MAP4K3: variants seen among roughly 807,000 people sequenced by gnomAD.
MAP4K3 encodes the protein MAPK/ERK kinase kinase kinase 3.
A neutral mutation model predicts 143.5 loss-of-function variants in MAP4K3; 94 were observed. That is an observed-to-expected ratio of 0.65 (90% CI 0.55 to 0.78). The LOEUF is 0.78. MAP4K3 is among the 30% of genes least tolerant of loss of function. MAP4K3 has a pLI of 0.00. For missense variants in MAP4K3, 1,077 were observed against 1,068.1 expected, an observed-to-expected ratio of 1.01 and a Z score of -0.12; for synonymous variants, 416 against 347.2, an observed-to-expected ratio of 1.20 and a Z score of -2.20.
At chr2:39,380,890 G>C (rs1428678346) in intron 1 of MAP4K3, among the ~76,000 whole-genome samples, 1 of 152,056 alleles carries the variant, frequency 6.6e-6, no homozygotes, top group African/African-American at 2.4e-5. Flanking sequence ...AGTATATTCA[G>C]AGTTATGTAA....
chr2:39,416,639 C>G (rs1392141641), intron 1 of MAP4K3, among the ~76,000 whole-genome samples: 1 of 152,210 alleles, frequency 6.6e-6, no homozygotes, highest in East Asian at 1.9e-4. Flanking sequence ...TCCATTTCTG[C>G]AAGTTTGACT....
At chr2:39,367,548 AAAAAAGAAAAGGAAAAGG>A (rs1475665832) in intron 2 of MAP4K3, among the ~76,000 whole-genome samples, 2 of 152,046 alleles carry the variant, frequency 1.3e-5, no homozygotes, top group African/African-American at 2.4e-5. Flanking sequence ...TAAAAAAACA[AAAAAAGAAAAGGAAAAGG>A]AAAAAGAAAA....
chr2:39,390,271 T>A (rs1378166490), intron 1 of MAP4K3, among the ~76,000 whole-genome samples: 1 of 152,198 alleles, frequency 6.6e-6, no homozygotes, highest in Non-Finnish European at 1.5e-5. Context: ...ACGATAATCC[T>A]GGCCAAAATG....
At chr2:39,259,323 C>T (rs775114550) in intron 29 of MAP4K3, among the ~76,000 whole-genome samples, 3 of 152,038 alleles carry the variant, frequency 2.0e-5, no homozygotes, top group Non-Finnish European at 2.9e-5. Flanking sequence ...TGAACAGCTC[C>T]GGGGGTGGGG....
intron 24 of MAP4K3, among the ~76,000 whole-genome samples, chr2:39,277,363 T>A (rs558726634): frequency 4.1e-4 from 62 of 152,350 alleles, no homozygotes; most frequent in Non-Finnish European, 6.9e-4. Context: ...CTCAAATGCC[T>A]CTACTCATCT....
At chr2:39,261,046 T>C (rs1680548130) in intron 28 of MAP4K3, 1 of 283,952 alleles carries the variant, frequency 3.5e-6, no homozygotes, top group Non-Finnish European at 6.6e-6. Context: ...CTTTTCAGAG[T>C]TGGAACCTGG....
chr2:39,390,321 CA>C (rs1358204515), intron 1 of MAP4K3, among the ~76,000 whole-genome samples: 1 of 151,442 alleles, frequency 6.6e-6, no homozygotes, highest in African/African-American at 2.4e-5. Flanking sequence ...ATACACCTAC[CA>C]AAAAATGAAA....
At chr2:39,344,864 T>C (rs966985122) in intron 3 of MAP4K3, among the ~76,000 whole-genome samples, 4 of 152,136 alleles carry the variant, frequency 2.6e-5, no homozygotes, top group Non-Finnish European at 4.4e-5. Flanking sequence ...GGTGATTTAG[T>C]GGGAGTTGAA....
chr2:39,372,093 G>T (rs1393067138), intron 2 of MAP4K3, among the ~76,000 whole-genome samples: 1 of 151,490 alleles, frequency 6.6e-6, no homozygotes, highest in Admixed American at 6.6e-5. Context: ...AAAGCTGCAG[G>T]ACACAAAATA....
chr2:39,375,205 G>A (rs1403338500), intron 2 of MAP4K3, among the ~76,000 whole-genome samples: 1 of 152,082 alleles, frequency 6.6e-6, no homozygotes, highest in African/African-American at 2.4e-5. Flanking sequence ...ACTGCAGTGA[G>A]CCACGATCCT....
Position 39,272,483 on chromosome 2 carries a change from A to T in MAP4K3, c.1854T>A (p.Ser618=). 1 of 1,612,138 alleles carries T rather than the reference A, an allele frequency of 6.2e-7. No homozygotes were observed. Among genetic ancestry groups the T allele is most frequent in the Non-Finnish European group, 8.5e-7 (1 of 1,178,362 alleles). The change falls in exon 25 of 34, where the codon TCT becomes TCA. Residue 618 remains serine (S), a splice_region_variant and synonymous_variant. Coordinates refer to ENST00000263881, the MANE Select transcript of MAP4K3 (RefSeq NM_003618.4). ...GTATTTAAAAACTAATATACTTACC[A>T]GATATTGATAGCAAGCAATTGTTCA... ...YVMNNCLLSI[S]GKASQLYSHN...
At chr2:39,372,964 T>C (rs759747606) in intron 2 of MAP4K3, among the ~76,000 whole-genome samples, 1 of 152,140 alleles carries the variant, frequency 6.6e-6, no homozygotes, top group African/African-American at 2.4e-5. Context: ...AAAAAGCTTC[T>C]GCATAGCAAA....
At chr2:39,362,044 T>C (rs1278325636) in intron 2 of MAP4K3, among the ~76,000 whole-genome samples, 1 of 152,182 alleles carries the variant, frequency 6.6e-6, no homozygotes, top group Non-Finnish European at 1.5e-5. Context: ...AATAACTGTA[T>C]TAATGTAATT....
chr2:39,418,244 A>G (rs1318456865), intron 1 of MAP4K3, among the ~76,000 whole-genome samples: 1 of 151,384 alleles, frequency 6.6e-6, no homozygotes, highest in Non-Finnish European at 1.5e-5. Flanking sequence ...TATGAATGGG[A>G]CACAGGAAAG....
At chr2:39,330,262 GGGA>G (rs1347409253) in intron 8 of MAP4K3, among the ~76,000 whole-genome samples, 2 of 151,968 alleles carry the variant, frequency 1.3e-5, no homozygotes, top group Non-Finnish European at 2.9e-5. Flanking sequence ...TGATTCTAGG[GGGA>G]GGAGTTACAT....
At chr2:39,309,274 C>T (rs1454192776) in intron 14 of MAP4K3, among the ~76,000 whole-genome samples, 187 bp downstream of exon 14, 1 of 152,168 alleles carries the variant, frequency 6.6e-6, no homozygotes, top group Non-Finnish European at 1.5e-5. Flanking sequence ...CAAGTACACA[C>T]TGCCACGTCA....
intron 2 of MAP4K3, among the ~76,000 whole-genome samples, chr2:39,375,295 C>A (rs1169778888): frequency 6.6e-6 from 1 of 151,948 alleles, no homozygotes; most frequent in Non-Finnish European, 1.5e-5. Flanking sequence ...AAAATGTGAG[C>A]GTAACACCAC....
chr2:39,326,064 C>CT, intron 9 of MAP4K3, 82 bp downstream of exon 9: 1 of 1,537,734 alleles, frequency 6.5e-7, no homozygotes, highest in Non-Finnish European at 8.8e-7. Context: ...TAAAACAAGA[C>CT]TAAGAAAATT....
intron 1 of MAP4K3, among the ~76,000 whole-genome samples, chr2:39,403,503 AACTCAGCT>A (rs1264840039): frequency 6.6e-6 from 1 of 152,194 alleles, no homozygotes; most frequent in East Asian, 1.9e-4. Flanking sequence ...CTTTGCATTG[AACTCAGCT>A]GACACCCGAC....
Sources: allele counts gnomAD v4.1 joint callset (sites outside exome capture counted in the v4.1 genomes callset), GRCh38; gene constraint gnomAD v4.1.1; transcripts MANE v1.5; gene names NCBI Gene and HGNC (gene_info 2026-07-23, HGNC 2026-07-21).